ADGRV1: variants seen among roughly 807,000 people sequenced by gnomAD.
ADGRV1 encodes G-protein coupled receptor 98.
ADGRV1 carries 359 observed loss-of-function variants against 596.2 expected under a neutral mutation model. That is an observed-to-expected ratio of 0.60 (90% CI 0.55 to 0.66). ADGRV1 has a LOEUF of 0.66. ADGRV1 is among the 30% of genes least tolerant of loss of function. ADGRV1 has a pLI of 0.00. For synonymous variants in ADGRV1, 2,681 were observed against 2,679.2 expected (o/e 1.00, Z -0.02); for missense variants, 7,274 against 7,575.6 (o/e 0.96, Z 1.48).
intron 87 of ADGRV1, among the ~76,000 whole-genome samples, chr5:91,133,188 T>C (rs991701079): frequency 6.6e-6 from 1 of 152,222 alleles, no homozygotes; most frequent in Admixed American, 6.5e-5. Context: ...TAAATGATTA[T>C]TGTGTTTTCA....
intron 84 of ADGRV1, among the ~76,000 whole-genome samples, chr5:90,969,761 A>G (rs570555549): frequency 3.0e-4 from 45 of 152,338 alleles, no homozygotes; most frequent in African/African-American, 1.0e-3. Context: ...AAGATGGCCA[A>G]ATAGGAATAG....
chr5:90,871,823 TAGAG>T (rs376007734), intron 83 of ADGRV1, among the ~76,000 whole-genome samples: 41 of 152,292 alleles, frequency 2.7e-4, no homozygotes, highest in African/African-American at 9.4e-4. Context: ...GTTTTGGAAT[TAGAG>T]AGACTGATGG....
intron 83 of ADGRV1, among the ~76,000 whole-genome samples, chr5:90,919,949 G>T (rs140988579): frequency 1.2e-3 from 168 of 145,416 alleles, no homozygotes; most frequent in Non-Finnish European, 1.6e-3. Context: ...AGCCAAGATC[G>T]TGCCATTGCA....
Position 90,664,081 on chromosome 5 carries a change from G to C in ADGRV1, c.4752+5803G>C, listed in dbSNP as rs184813628. ...AGCTTTGTTGTTTTGGCTTAGGATTGCCTTGGCGATGCGGGCTCTTTTTTG... is the reference window on the plus strand; with the variant it reads ...AGCTTTGTTGTTTTGGCTTAGGATTCCCTTGGCGATGCGGGCTCTTTTTTG... On this transcript the variant is annotated intron_variant, in intron 21 of 89. Coordinates refer to ENST00000405460, the MANE Select transcript of ADGRV1 (RefSeq NM_032119.4). 8.2e-3 allele frequency among the ~76,000 whole-genome samples: 1,183 copies of C among 144,358 alleles called. 30 individuals carry two copies. Among genetic ancestry groups the C allele is most frequent in the African/African-American group, 0.03 (1,141 of 38,090 alleles). The allele number at this position is 144,358 out of a possible 152,430, so 94.7% of individuals were successfully genotyped here.
At chr5:90,765,332 T>G (rs2150024776) in intron 59 of ADGRV1, among the ~76,000 whole-genome samples, 1 of 152,232 alleles carries the variant, frequency 6.6e-6, no homozygotes, top group Admixed American at 6.5e-5. Context: ...TTTGATTTTC[T>G]TTTGCATAGT....
intron 1 of ADGRV1, among the ~76,000 whole-genome samples, chr5:90,598,211 T>A (rs1054844324): frequency 3.9e-5 from 6 of 152,214 alleles, no homozygotes; most frequent in Non-Finnish European, 8.8e-5. Context: ...CGCCTTCAAT[T>A]ATGCCTGGCA....
rs574729693 is a variant in ADGRV1, at chr5:90,765,790, G to A, written c.12285+2321G>A. Among the ~76,000 whole-genome samples, 9 of 151,302 alleles carry A rather than the reference G, an allele frequency of 5.9e-5. No homozygotes were observed. The South Asian group carries it at 1.7e-3, about 28-fold the overall frequency. On this transcript the variant is annotated intron_variant, in intron 59 of 89. Transcript: ENST00000405460. The stretch of plus-strand genomic sequence containing the variant: ...TGCGATCATAGCTCACTGAAGCTTC[G>A]ACCTCCCGGCTCAAGCAACATTTCC...
At chr5:90,902,395 C>T (rs1204173276) in intron 83 of ADGRV1, among the ~76,000 whole-genome samples, 4 of 152,164 alleles carry the variant, frequency 2.6e-5, no homozygotes, top group African/African-American at 7.2e-5. Flanking sequence ...ACTATTTCCA[C>T]ATAGTTTGTT....
intron 84 of ADGRV1, among the ~76,000 whole-genome samples, chr5:90,966,682 G>C (rs1241152959): frequency 6.6e-6 from 1 of 152,130 alleles, no homozygotes; most frequent in Admixed American, 6.5e-5. Context: ...ACTCCCCTGA[G>C]GAACTAGTAA....
chr5:91,154,724 C>T (rs957871167), intron 89 of ADGRV1, among the ~76,000 whole-genome samples: 6 of 152,112 alleles, frequency 3.9e-5, no homozygotes, highest in African/African-American at 7.2e-5. Flanking sequence ...ACAATCATGG[C>T]GGAAGGCAAA....
At chr5:91,117,957 C>T (rs1007453034) in intron 87 of ADGRV1, among the ~76,000 whole-genome samples, 2 of 152,082 alleles carry the variant, frequency 1.3e-5, no homozygotes, top group Non-Finnish European at 2.9e-5. Context: ...AAAGCAGGAA[C>T]AGTGCTCAGA....
intron 86 of ADGRV1, among the ~76,000 whole-genome samples, chr5:91,082,178 A>G (rs1196416700): frequency 6.6e-6 from 1 of 152,252 alleles, no homozygotes; most frequent in African/African-American, 2.4e-5. Flanking sequence ...TGACATGTGC[A>G]TATCACTGCC....
chr5:90,646,806 G>A (rs1226204258), intron 16 of ADGRV1, among the ~76,000 whole-genome samples: 3 of 115,362 alleles, frequency 2.6e-5, no homozygotes, highest in African/African-American at 1.0e-4. Flanking sequence ...ATGGAATATT[G>A]CCCTGTCACC....
At chr5:90,752,325 G>A (rs1037276741) in intron 53 of ADGRV1, among the ~76,000 whole-genome samples, 1 of 152,004 alleles carries the variant, frequency 6.6e-6, no homozygotes, top group Non-Finnish European at 1.5e-5. Flanking sequence ...TAAGTTCAGG[G>A]GTACCTATGC....
chr5:90,725,084 AG>A lies in ADGRV1; in HGVS notation c.9907del. 1 of 1,537,190 alleles carries A rather than the reference AG, an allele frequency of 6.5e-7. No homozygotes were observed. The highest frequency in any genetic ancestry group is 8.8e-7 in the Non-Finnish European group (1 of 1,134,770). ...ACTGTATTCTTATTCCTCATTTTCT[AG>A]GATTTAAATATAGAAAATCCTAAAA... On this transcript the variant is annotated splice_acceptor_variant, in intron 46 of 89. Transcript: ENST00000405460. LOFTEE classifies it high-confidence loss of function.
chr5:90,661,906 GT>G (rs1770358506), intron 21 of ADGRV1, among the ~76,000 whole-genome samples: 1 of 152,092 alleles, frequency 6.6e-6, no homozygotes, highest in African/African-American at 2.4e-5. Flanking sequence ...ACATACCGGA[GT>G]CTAGTATTTC....
chr5:90,745,006 T>C (rs915592549), intron 50 of ADGRV1, 40 bp from the exon 51 acceptor site: 2 of 1,456,680 alleles, frequency 1.4e-6, no homozygotes, highest in Admixed American at 1.7e-5. Flanking sequence ...AGGTGACAGT[T>C]TATATCTCAC....
At chr5:91,160,395 G>C (rs1351712758) in intron 89 of ADGRV1, among the ~76,000 whole-genome samples, 1 of 152,064 alleles carries the variant, frequency 6.6e-6, no homozygotes. Context: ...GAAGGGGTAT[G>C]GTCTTTGGAT....
At chr5:90,998,360 A>G (rs1229755173) in intron 85 of ADGRV1, among the ~76,000 whole-genome samples, 1 of 152,132 alleles carries the variant, frequency 6.6e-6, no homozygotes, top group South Asian at 2.1e-4. Flanking sequence ...CAAAAATGGG[A>G]TATCATGTGC....
Sources: gnomAD v4.1 joint callset for allele counts (sites outside exome capture counted in the v4.1 genomes callset) on GRCh38, gnomAD v4.1.1 for gene constraint, MANE v1.5 for transcripts, NCBI Gene and HGNC (gene_info 2026-07-23, HGNC 2026-07-21) for gene names.